The following TEC variants were observed in gnomAD, a reference collection of about 807,000 sequenced individuals.
TEC encodes the protein tyrosine-protein kinase Tec.
A neutral mutation model predicts 93.0 loss-of-function variants in TEC; 72 were observed. That is an observed-to-expected ratio of 0.77 (90% CI 0.64 to 0.94). The LOEUF (loss-of-function observed/expected upper bound fraction) is 0.94, where lower values mean the gene tolerates loss of function less well. Ranked by LOEUF, TEC falls within the 40% of genes least tolerant of loss-of-function variation. TEC has a pLI of 0.00. For missense variants in TEC, 630 were observed against 757.9 expected (o/e 0.83, Z 1.98); for synonymous variants, 249 against 247.7 (o/e 1.01, Z -0.05).
At chr4:48,230,803 C>T (rs1448691938) in intron 1 of TEC, among the ~76,000 whole-genome samples, 2 of 152,182 alleles carry the variant, frequency 1.3e-5, no homozygotes, top group Non-Finnish European at 2.9e-5. Flanking sequence ...AGCATTCATT[C>T]CCTGGCCTAG....
At chr4:48,137,596 A>G in intron 17 of TEC, 97 bp from the exon 18 acceptor site, 1 of 996,244 alleles carries the variant, frequency 1.0e-6, no homozygotes, top group Non-Finnish European at 1.6e-6. Flanking sequence ...TTACAGAGAG[A>G]CTTCACTGCT....
At chr4:48,205,244 A>G (rs1333274572) in intron 2 of TEC, among the ~76,000 whole-genome samples, 1 of 152,204 alleles carries the variant, frequency 6.6e-6, no homozygotes, top group Admixed American at 6.5e-5. Flanking sequence ...CCTGGCCTGC[A>G]TAATAGCAGG....
intron 1 of TEC, among the ~76,000 whole-genome samples, chr4:48,228,893 C>A (rs974821873): frequency 1.3e-5 from 2 of 152,208 alleles, no homozygotes; most frequent in African/African-American, 4.8e-5. Context: ...AATCAAGGTT[C>A]TTCATGATGA....
At chr4:48,212,522 CA>C in intron 2 of TEC, among the ~76,000 whole-genome samples, 1 of 152,256 alleles carries the variant, frequency 6.6e-6, no homozygotes, top group East Asian at 1.9e-4. Context: ...AGTCCGTGGG[CA>C]AATCTGTGGG....
chr4:48,168,669 C>A, intron 5 of TEC, 43 bp from the exon 6 acceptor site: 2 of 1,582,228 alleles, frequency 1.3e-6, no homozygotes, highest in Admixed American at 1.9e-5. Context: ...TGCTATCTAC[C>A]AATAATTGAT....
chr4:48,167,438 C>A (rs574095569), intron 7 of TEC, among the ~76,000 whole-genome samples: 1 of 151,968 alleles, frequency 6.6e-6, no homozygotes, highest in Non-Finnish European at 1.5e-5. Context: ...AAAAAAATTA[C>A]AATAAACTCT....
chr4:48,187,578 C>T (rs529521469), intron 2 of TEC, among the ~76,000 whole-genome samples: 30 of 152,176 alleles, frequency 2.0e-4, no homozygotes, highest in African/African-American at 6.5e-4. Flanking sequence ...GTTGTTTTCT[C>T]CCCCTAAGTG....
intron 1 of TEC, among the ~76,000 whole-genome samples, chr4:48,252,968 A>T (rs1324744658): frequency 6.6e-6 from 1 of 152,202 alleles, no homozygotes; most frequent in African/African-American, 2.4e-5. Flanking sequence ...AAACAACATC[A>T]AATTGGTTCC....
intron 1 of TEC, among the ~76,000 whole-genome samples, chr4:48,261,397 A>T (rs1724493747): frequency 6.6e-6 from 1 of 152,192 alleles, no homozygotes; most frequent in African/African-American, 2.4e-5. Flanking sequence ...GTAAAAACTA[A>T]CTTTGTTGCA....
At chr4:48,204,113 C>G (rs559679866) in intron 2 of TEC, among the ~76,000 whole-genome samples, 1 of 152,338 alleles carries the variant, frequency 6.6e-6, no homozygotes, top group Non-Finnish European at 1.5e-5. Context: ...GCTTACTTGC[C>G]TTTCTAGATT....
chr4:48,182,767 G>GA (rs1721643739), intron 2 of TEC, among the ~76,000 whole-genome samples: 1 of 152,050 alleles, frequency 6.6e-6, no homozygotes, highest in Non-Finnish European at 1.5e-5. Flanking sequence ...AAGGTACACT[G>GA]TTTTCCTTTA....
chr4:48,198,381 G>A lies in TEC; in HGVS notation c.139-22195C>T, dbSNP rs371718572. ...AACTAGGCATAAAACCATCCTCCAG[G>A]CTAAAGAAGTACCCCAGGAAAGGGA... On this transcript the variant is annotated intron_variant, in intron 2 of 17. Transcript: ENST00000381501. Among the ~76,000 whole-genome samples the A allele has an allele frequency of 1.7e-3, 261 of 152,258 alleles. 5 individuals are homozygous for A. The South Asian group carries it at 0.018, about 11-fold the overall frequency.
chr4:48,247,658 C>T (rs1375269800), intron 1 of TEC, among the ~76,000 whole-genome samples: 3 of 152,168 alleles, frequency 2.0e-5, no homozygotes, highest in Non-Finnish European at 4.4e-5. Flanking sequence ...ACAAGTTGTA[C>T]TGATTACTTT....
intron 8 of TEC, among the ~76,000 whole-genome samples, chr4:48,160,762 A>AAAG (rs1553885871): frequency 0.053 from 7,250 of 137,132 alleles, 248 homozygotes; most frequent in Middle Eastern, 0.095. Context: ...AGAAAGAAAG[A>AAAG]AAAGAAAAAA....
At chr4:48,188,512 CTTCTTCCCAGTCA>C (rs1721973421) in intron 2 of TEC, among the ~76,000 whole-genome samples, 1 of 152,074 alleles carries the variant, frequency 6.6e-6, no homozygotes. Flanking sequence ...AGAAGCAAAC[CTTCTTCCCAGTCA>C]TTCCAATACC....
intron 2 of TEC, among the ~76,000 whole-genome samples, chr4:48,178,993 C>T (rs1045859737): frequency 2.6e-5 from 4 of 152,148 alleles, no homozygotes; most frequent in Non-Finnish European, 5.9e-5. Context: ...GAATTGTAAG[C>T]CACCTTCTGA....
intron 4 of TEC, 151 bp from the exon 5 acceptor site, chr4:48,170,527 C>T (rs1721056781): frequency 1.8e-6 from 1 of 549,494 alleles, no homozygotes; most frequent in South Asian, 3.5e-5. Flanking sequence ...TTCAGAAAAG[C>T]TCTATAGTTC....
intron 1 of TEC, among the ~76,000 whole-genome samples, chr4:48,259,398 A>T (rs1279155829): frequency 6.6e-6 from 1 of 152,164 alleles, no homozygotes; most frequent in East Asian, 1.9e-4. Context: ...CAAGGCTTTA[A>T]ACATTAGACC....
intron 9 of TEC, 109 bp from the exon 10 acceptor site, chr4:48,151,051 C>A (rs1462779654): frequency 2.7e-6 from 2 of 731,396 alleles, no homozygotes; most frequent in South Asian, 3.5e-5. Context: ...TATTCTTTCC[C>A]AGAAAAAAAT....
Sources: allele counts gnomAD v4.1 joint callset (sites outside exome capture counted in the v4.1 genomes callset), GRCh38; gene constraint gnomAD v4.1.1; transcripts MANE v1.5; gene names NCBI Gene and HGNC (gene_info 2026-07-23, HGNC 2026-07-21).